Variants in SPIN1 observed in about 807,000 individuals in gnomAD.
SPIN1 encodes spindlin-1.
In SPIN1, 3 loss-of-function variants were observed where a neutral mutation model predicts 26.0. The observed-to-expected ratio is 0.12, with a 90% CI of 0.05 to 0.30. The LOEUF is 0.30. Ranked by LOEUF, SPIN1 falls within the 10% of genes least tolerant of loss-of-function variation. The pLI is 1.00. For synonymous variants in SPIN1, 101 were observed against 116.5 expected, an observed-to-expected ratio of 0.87 and a Z score of 0.86; for missense variants, 126 against 333.4, an observed-to-expected ratio of 0.38 and a Z score of 4.84.
chr9:88,421,998 C>T (rs1276444938), intron 1 of SPIN1, among the ~76,000 whole-genome samples: 1 of 152,046 alleles, frequency 6.6e-6, no homozygotes, highest in African/African-American at 2.4e-5. Context: ...AGGTTGATTC[C>T]CTTTTAATGA....
At chr9:88,397,545 G>A (rs1019479765) in intron 1 of SPIN1, among the ~76,000 whole-genome samples, 5 of 151,824 alleles carry the variant, frequency 3.3e-5, no homozygotes, top group Non-Finnish European at 4.4e-5. Context: ...TTCTGTGTGC[G>A]TGCTTGCACA....
chr9:88,416,583 C>T (rs187865505), intron 1 of SPIN1: 1 of 152,252 alleles, frequency 6.6e-6, no homozygotes, highest in Non-Finnish European at 1.5e-5. Context: ...CTCCTTTCCC[C>T]TGCTGTTTTT....
At chr9:88,452,224 G>GACC (rs1318013067) in intron 3 of SPIN1, among the ~76,000 whole-genome samples, 1 of 152,112 alleles carries the variant, frequency 6.6e-6, no homozygotes, top group African/African-American at 2.4e-5. Flanking sequence ...TAGGAACTGT[G>GACC]ACCCCTTACT....
chr9:88,402,883 C>T (rs771845602), intron 1 of SPIN1, among the ~76,000 whole-genome samples: 10 of 152,112 alleles, frequency 6.6e-5, no homozygotes, highest in Non-Finnish European at 1.2e-4. Flanking sequence ...GAGAAATCTC[C>T]GTACTGTTTT....
At chr9:88,414,061 C>T (rs1271620903) in intron 1 of SPIN1, among the ~76,000 whole-genome samples, 4 of 151,824 alleles carry the variant, frequency 2.6e-5, no homozygotes, top group Middle Eastern at 3.4e-3. Context: ...TAGGACCAAC[C>T]ATAAGAAGTG....
chr9:88,470,794 A>G (rs1331952068), intron 5 of SPIN1, among the ~76,000 whole-genome samples: 1 of 152,088 alleles, frequency 6.6e-6, no homozygotes, highest in Non-Finnish European at 1.5e-5. Context: ...GGGTTTCACC[A>G]TATTGGCCGG....
intron 2 of SPIN1, among the ~76,000 whole-genome samples, chr9:88,441,399 G>GTGTGTGTGTGTGTGTGTGTGTGTA (rs1491274576): frequency 3.3e-5 from 4 of 119,724 alleles, no homozygotes; most frequent in African/African-American, 2.2e-4. Context: ...GCTGCCATTC[G>GTGTGTGTGTGTGTGTGTGTGTGTA]TGTGTGTGTG....
At chr9:88,472,454 G>T (rs1438706265) in intron 5 of SPIN1, among the ~76,000 whole-genome samples, 3 of 151,710 alleles carry the variant, frequency 2.0e-5, no homozygotes, top group South Asian at 4.2e-4. Flanking sequence ...GGCTGGTCTC[G>T]ATCTCCTGAC....
At chr9:88,474,374 T>G (rs1179857513) in intron 5 of SPIN1, among the ~76,000 whole-genome samples, 5 of 152,232 alleles carry the variant, frequency 3.3e-5, no homozygotes, top group Non-Finnish European at 7.3e-5. Context: ...GGCAGTACAT[T>G]AATCTTGGGG....
intron 3 of SPIN1, among the ~76,000 whole-genome samples, chr9:88,449,796 A>G (rs1443434661): frequency 6.6e-6 from 1 of 152,178 alleles, no homozygotes; most frequent in Non-Finnish European, 1.5e-5. Flanking sequence ...TTAAATATGG[A>G]GAAGACACTC....
chr9:88,401,750 A>G (rs1827191492), intron 1 of SPIN1, among the ~76,000 whole-genome samples: 1 of 152,246 alleles, frequency 6.6e-6, no homozygotes, highest in Non-Finnish European at 1.5e-5. Flanking sequence ...ATATTACACA[A>G]AAAATGTAAC....
intron 1 of SPIN1, among the ~76,000 whole-genome samples, chr9:88,398,697 T>A (rs1251395541): frequency 6.6e-6 from 1 of 151,926 alleles, no homozygotes; most frequent in Non-Finnish European, 1.5e-5. Flanking sequence ...TGCCTCAGCC[T>A]CCTGAGTAGC....
chr9:88,427,709 G>A (rs1177633875), intron 2 of SPIN1, among the ~76,000 whole-genome samples: 2 of 151,588 alleles, frequency 1.3e-5, no homozygotes, highest in Admixed American at 6.6e-5. Flanking sequence ...CGGTTCTCCT[G>A]CCTTGGTCTC....
intron 1 of SPIN1, among the ~76,000 whole-genome samples, chr9:88,394,533 C>G (rs895223280): frequency 2.0e-5 from 3 of 152,094 alleles, no homozygotes; most frequent in Non-Finnish European, 4.4e-5. Flanking sequence ...TTTTCTCTAA[C>G]GTTGAAAATT....
chr9:88,462,415 C>A, intron 3 of SPIN1, 81 bp from the exon 4 acceptor site: 1 of 1,530,088 alleles, frequency 6.5e-7, no homozygotes, highest in East Asian at 2.3e-5. Flanking sequence ...GTAATGAGAT[C>A]ATGCTAGCCA....
At chr9:88,430,977 G>C (rs1416015741) in intron 2 of SPIN1, among the ~76,000 whole-genome samples, 2 of 151,018 alleles carry the variant, frequency 1.3e-5, no homozygotes, top group African/African-American at 4.9e-5. Context: ...CTGCCTCCCA[G>C]GTTCAAGTGA....
chr9:88,441,946 T>C lies in SPIN1; in HGVS notation c.53-6995T>C, dbSNP rs551969882. 6.1e-5 allele frequency among the ~76,000 whole-genome samples: 7 copies of C among 114,806 alleles called. No homozygotes were observed. The East Asian group carries it at 1.3e-3, about 22-fold the overall frequency. 75.3% of individuals were successfully genotyped at this position (114,806 alleles called of 152,430 possible). ...TATATAGATCTCAGCTTCTGACCTA[T>C]ATTTTCCTTTTTTTTTTTTTTTTGA... On this transcript the variant is annotated intron_variant, in intron 2 of 5. Coordinates refer to ENST00000375859, the MANE Select transcript of SPIN1 (RefSeq NM_006717.3).
intron 2 of SPIN1, among the ~76,000 whole-genome samples, chr9:88,429,563 A>T (rs1461522408): frequency 1.3e-5 from 2 of 152,188 alleles, no homozygotes; most frequent in East Asian, 3.8e-4. Flanking sequence ...GAACAGCCAG[A>T]TGGAAGAAGG....
intron 3 of SPIN1, among the ~76,000 whole-genome samples, chr9:88,456,135 A>G (rs933667109): frequency 2.6e-5 from 4 of 152,318 alleles, no homozygotes; most frequent in South Asian, 2.1e-4. Context: ...TCACGGAACA[A>G]TGGAAACTCC....
Sources: allele counts gnomAD v4.1 joint callset (sites outside exome capture counted in the v4.1 genomes callset), GRCh38; gene constraint gnomAD v4.1.1; transcripts MANE v1.5; gene names NCBI Gene and HGNC (gene_info 2026-07-23, HGNC 2026-07-21).